ERC1: variants seen among roughly 807,000 people sequenced by gnomAD.
ERC1 encodes the protein RAB6 interacting protein 2.
In ERC1, 56 loss-of-function variants were observed where a neutral mutation model predicts 132.0. That is an observed-to-expected ratio of 0.42 (90% confidence interval 0.34 to 0.53). ERC1 has a LOEUF of 0.53. Ranked by LOEUF, ERC1 falls within the 20% of genes least tolerant of loss-of-function variation. The probability of loss-of-function intolerance (pLI) is 0.03; values close to 1 mark genes in which losing one functional copy is unlikely to be tolerated. For missense variants in ERC1, 1,202 were observed against 1,349.9 expected, an observed-to-expected ratio of 0.89 and a Z score of 1.72; for synonymous variants, 478 against 476.1, an observed-to-expected ratio of 1.00 and a Z score of -0.05.
chr12:1,008,894 C>T (rs545866283), intron 1 of ERC1, among the ~76,000 whole-genome samples: 170 of 152,252 alleles, frequency 1.1e-3, no homozygotes, highest in African/African-American at 3.6e-3. Flanking sequence ...GTGCTCAGCA[C>T]TCAGCAGCTG....
At chr12:1,075,505 A>G (rs1941190051) in intron 2 of ERC1, among the ~76,000 whole-genome samples, 1 of 152,174 alleles carries the variant, frequency 6.6e-6, no homozygotes, top group African/African-American at 2.4e-5. Flanking sequence ...ATCCCGGCCA[A>G]TATGGTGAAA....
At chr12:1,228,936 G>T (rs138126976) in intron 12 of ERC1, among the ~76,000 whole-genome samples, 1 of 152,066 alleles carries the variant, frequency 6.6e-6, no homozygotes, top group Non-Finnish European at 1.5e-5. Flanking sequence ...AAAGTTTTGC[G>T]TCTAGTTTCA....
In ERC1 at chr12:1,164,774, A is replaced by G. The variant is rs150281796; in HGVS notation, c.1738-15766A>G. On this transcript the variant is annotated intron_variant, in intron 8 of 18. Transcript: ENST00000360905. ...ATTGTTGTGACCATTTTTGGAAAAT[A>G]TCTACTTCAGTAGAATAAAACATTG... Among the ~76,000 whole-genome samples the G allele has an allele frequency of 1.2e-4, 18 of 152,312 alleles. No individual in the cohort carries two copies. In the East Asian group the frequency reaches 3.3e-3, roughly 28 times the overall value.
In ERC1 at chr12:1,110,744, C is replaced by T. The variant is rs570666761; in HGVS notation, c.1317+397C>T. Among the ~76,000 whole-genome samples, 5 of 152,248 alleles carry T rather than the reference C, an allele frequency of 3.3e-5. No homozygotes were observed. The South Asian group carries it at 1.0e-3, about 32-fold the overall frequency. ...TTGAGATGGAGTTTCGCTCTTGTCA[C>T]CCAGGCTGGAGTGCAGTGGTGTGAT... On this transcript the variant is annotated intron_variant, in intron 5 of 18. Coordinates refer to ENST00000360905, the MANE Select transcript of ERC1 (RefSeq NM_178040.4).
At chr12:1,485,201 CT>C (rs71441650) in intron 18 of ERC1, among the ~76,000 whole-genome samples, 144 of 96,386 alleles carry the variant, frequency 1.5e-3, no homozygotes, top group Admixed American at 2.7e-3. Flanking sequence ...GTTTATATTT[CT>C]TTTTTTTTTT....
At chr12:1,043,963 T>TCATA (rs1355611206) in intron 2 of ERC1, among the ~76,000 whole-genome samples, 3 of 152,206 alleles carry the variant, frequency 2.0e-5, no homozygotes, top group African/African-American at 7.2e-5. Flanking sequence ...CATTTTTCCT[T>TCATA]CATACAGCAT....
chr12:998,806 G>T (rs1418369174), intron 1 of ERC1, among the ~76,000 whole-genome samples: 1 of 150,718 alleles, frequency 6.6e-6, no homozygotes, highest in African/African-American at 2.4e-5. Flanking sequence ...GGTCTTCAGA[G>T]CACTTTTCTG....
chr12:1,388,560 G>A (rs2154381569), intron 16 of ERC1, among the ~76,000 whole-genome samples: 1 of 152,224 alleles, frequency 6.6e-6, no homozygotes, highest in Admixed American at 6.5e-5. Context: ...GCCCTGGATT[G>A]ACAATGCTGA....
Position 1,003,200 on chromosome 12 carries a change from C to CT in ERC1, c.-157+11884dup, listed in dbSNP as rs1172689343. Among the ~76,000 whole-genome samples, 4 of 148,228 alleles carry CT rather than the reference C, an allele frequency of 2.7e-5. No individual in the cohort carries two copies. The Middle Eastern group carries it at 0.011, about 394-fold the overall frequency. The stretch of plus-strand genomic sequence containing the variant: ...TTGTAGATTAATTTGGGTAGAATTA[C>CT]TTTTTTGTAATGAGGAATCTTTGAC... On this transcript the variant is annotated intron_variant, in intron 1 of 18. Coordinates refer to ENST00000360905, the MANE Select transcript of ERC1 (RefSeq NM_178040.4).
chr12:1,030,283 T>C (rs1015657271), intron 2 of ERC1, among the ~76,000 whole-genome samples: 9 of 152,206 alleles, frequency 5.9e-5, no homozygotes, highest in African/African-American at 1.9e-4. Flanking sequence ...GCAACTGATA[T>C]CAATTTCTGC....
intron 17 of ERC1, among the ~76,000 whole-genome samples, chr12:1,428,019 C>T (rs2092689978): frequency 6.6e-6 from 1 of 152,138 alleles, no homozygotes; most frequent in African/African-American, 2.4e-5. Flanking sequence ...CTGGGACTCA[C>T]TTGATTTATT....
At chr12:1,476,921 T>C (rs1265553418) in intron 18 of ERC1, among the ~76,000 whole-genome samples, 1 of 152,270 alleles carries the variant, frequency 6.6e-6, no homozygotes, top group Non-Finnish European at 1.5e-5. Context: ...CAGCCCATTA[T>C]AAATTATTTT....
chr12:1,425,883 T>C (rs1019136179), intron 17 of ERC1, among the ~76,000 whole-genome samples: 11 of 152,196 alleles, frequency 7.2e-5, no homozygotes, highest in African/African-American at 2.2e-4. Flanking sequence ...AAGTAATCCA[T>C]TAACCTCTTG....
chr12:1,030,131 G>T (rs1171140147), intron 2 of ERC1, among the ~76,000 whole-genome samples: 1 of 151,960 alleles, frequency 6.6e-6, no homozygotes, highest in African/African-American at 2.4e-5. Flanking sequence ...ACTTTTAGAA[G>T]TTTTCTTAAA....
intron 8 of ERC1, among the ~76,000 whole-genome samples, chr12:1,164,811 G>A (rs1251616478): frequency 6.6e-6 from 1 of 152,124 alleles, no homozygotes; most frequent in African/African-American, 2.4e-5. Flanking sequence ...ATAAGGGGTT[G>A]GAAATCAAAG....
intron 7 of ERC1, among the ~76,000 whole-genome samples, chr12:1,121,691 CTATCTCTATCTCTATCTG>C (rs1947152973): frequency 7.8e-5 from 5 of 64,062 alleles, no homozygotes; most frequent in Admixed American, 1.6e-4. Flanking sequence ...ATCTCTATCT[CTATCTCTATCTCTATCTG>C]TGTCTCTATC....
At chr12:1,262,814 T>TTA (rs1393018175) in intron 13 of ERC1, among the ~76,000 whole-genome samples, 3 of 152,218 alleles carry the variant, frequency 2.0e-5, no homozygotes, top group Non-Finnish European at 4.4e-5. Flanking sequence ...TTTGTCTTGC[T>TTA]TAACTAACTT....
chr12:1,361,795 T>C (rs1028160208), intron 15 of ERC1, among the ~76,000 whole-genome samples: 14 of 152,134 alleles, frequency 9.2e-5, no homozygotes, highest in African/African-American at 3.1e-4. Context: ...TATCAACTCA[T>C]CAACAGTATG....
At chr12:1,215,611 A>G (rs1958325855) in intron 12 of ERC1, among the ~76,000 whole-genome samples, 1 of 152,142 alleles carries the variant, frequency 6.6e-6, no homozygotes, top group Non-Finnish European at 1.5e-5. Flanking sequence ...CCTTTAGCTC[A>G]TGGAGATGAA....
Sources: allele counts gnomAD v4.1 joint callset (sites outside exome capture counted in the v4.1 genomes callset), GRCh38; gene constraint gnomAD v4.1.1; transcripts MANE v1.5; gene names NCBI Gene and HGNC (gene_info 2026-07-23, HGNC 2026-07-21).